Variants in UHRF2 observed in about 807,000 individuals in gnomAD.
The protein encoded by UHRF2 is E3 ubiquitin-protein ligase UHRF2.
UHRF2 carries 23 observed loss-of-function variants against 96.8 expected under a neutral mutation model. The observed-to-expected ratio is 0.24, with a 90% CI of 0.17 to 0.34. The LOEUF is 0.34. Among genes scored for constraint, UHRF2 ranks in the 10% least tolerant of loss-of-function variants. The probability of loss-of-function intolerance (pLI) is 1.00; values close to 1 mark genes in which losing one functional copy is unlikely to be tolerated. For synonymous variants in UHRF2, 385 were observed against 332.6 expected (o/e 1.16, Z -1.72); for missense variants, 685 against 981.5 (o/e 0.70, Z 4.04).
intron 8 of UHRF2, among the ~76,000 whole-genome samples, chr9:6,482,968 G>T (rs1824012344): frequency 1.3e-5 from 2 of 151,916 alleles, no homozygotes; most frequent in Admixed American, 1.3e-4. Flanking sequence ...CTTATCCCTT[G>T]GTATCTGTCG....
chr9:6,426,883 G>C (rs1481088430), intron 2 of UHRF2, among the ~76,000 whole-genome samples: 2 of 152,024 alleles, frequency 1.3e-5, no homozygotes, highest in Non-Finnish European at 2.9e-5. Context: ...TGAGTAGTTG[G>C]GATTACAGGC....
At chr9:6,478,815 A>G (rs1405226876) in intron 6 of UHRF2, among the ~76,000 whole-genome samples, 2 of 152,184 alleles carry the variant, frequency 1.3e-5, no homozygotes, top group Non-Finnish European at 2.9e-5. Context: ...AGGTGAGAGA[A>G]AGGGGGAAAG....
chr9:6,492,174 T>A, intron 9 of UHRF2: 1 of 246,190 alleles, frequency 4.1e-6, no homozygotes, highest in Non-Finnish European at 8.1e-6. Context: ...TTTAGCCATG[T>A]TTCCTTGATT....
At chr9:6,441,378 C>G (rs183507712) in intron 3 of UHRF2, among the ~76,000 whole-genome samples, 29 of 147,750 alleles carry the variant, frequency 2.0e-4, no homozygotes, top group Non-Finnish European at 3.7e-4. Flanking sequence ...TGTCTCTACC[C>G]CTCCCAAAAA....
chr9:6,494,674 G>C (rs886494163), intron 10 of UHRF2: 1 of 152,122 alleles, frequency 6.6e-6, no homozygotes, highest in African/African-American at 2.4e-5. Context: ...TGAAATTTTT[G>C]TGAACATTTC....
intron 9 of UHRF2, among the ~76,000 whole-genome samples, chr9:6,491,762 A>G (rs1262299311): frequency 6.6e-6 from 1 of 152,216 alleles, no homozygotes; most frequent in Non-Finnish European, 1.5e-5. Context: ...CCTTGTGCAG[A>G]TAGAGCTGCT....
At chr9:6,496,486 A>G (rs112089337) in intron 10 of UHRF2, 1 of 152,238 alleles carries the variant, frequency 6.6e-6, no homozygotes, top group African/African-American at 2.4e-5. Flanking sequence ...AATAAGTTCC[A>G]GCTAAGTCAG....
At position 6,420,908 on chromosome 9, in the gene UHRF2, C is replaced by T. The variant is rs778990323; in HGVS notation, c.154-4C>T. 1 of 1,606,074 alleles carries T rather than the reference C, an allele frequency of 6.2e-7. No individual in the cohort carries two copies. The highest frequency in any genetic ancestry group is 1.3e-5 in the African/African-American group (1 of 74,710). On this transcript the variant is annotated splice_region_variant and splice_polypyrimidine_tract_variant and intron_variant, in intron 1 of 15. Coordinates refer to ENST00000276893, the MANE Select transcript of UHRF2 (RefSeq NM_152896.3). ...CATTTCACTATTCTTTCTTTATTTT[C>T]TAGTTGGAAAATGGATATACCTTAT... is the stretch of plus-strand genomic sequence containing the variant.
intron 2 of UHRF2, among the ~76,000 whole-genome samples, chr9:6,426,496 T>A (rs1326762209): frequency 6.6e-6 from 1 of 152,244 alleles, no homozygotes; most frequent in Non-Finnish European, 1.5e-5. Flanking sequence ...TAGTTGAAGC[T>A]ACTGTAGATT....
intron 4 of UHRF2, chr9:6,468,882 T>C (rs1477535756): frequency 2.8e-6 from 1 of 353,132 alleles, no homozygotes; most frequent in Non-Finnish European, 5.6e-6. Flanking sequence ...GCATAGATGC[T>C]GATTAAATGT....
chr9:6,444,130 G>C (rs866716631), intron 3 of UHRF2, among the ~76,000 whole-genome samples: 2 of 152,214 alleles, frequency 1.3e-5, no homozygotes, highest in Admixed American at 6.5e-5. Context: ...TGATGGGAGA[G>C]AGAGTAGATT....
chr9:6,446,524 G>A (rs1343395420), intron 3 of UHRF2, among the ~76,000 whole-genome samples: 5 of 151,848 alleles, frequency 3.3e-5, no homozygotes, highest in South Asian at 2.1e-4. Context: ...GAAGTGATTC[G>A]TCTGCCTCAG....
At chr9:6,416,428 A>G (rs1269611223) in intron 1 of UHRF2, among the ~76,000 whole-genome samples, 1 of 149,582 alleles carries the variant, frequency 6.7e-6, no homozygotes, top group Non-Finnish European at 1.5e-5. Context: ...AGTTTTGGTT[A>G]GAGTAGGATA....
intron 8 of UHRF2, among the ~76,000 whole-genome samples, chr9:6,482,925 C>G (rs1824009307): frequency 6.6e-6 from 1 of 152,098 alleles, no homozygotes; most frequent in Non-Finnish European, 1.5e-5. Flanking sequence ...GTACTTAGAC[C>G]TTTAATACAA....
At chr9:6,437,186 G>C (rs975721322) in intron 3 of UHRF2, among the ~76,000 whole-genome samples, 1 of 152,192 alleles carries the variant, frequency 6.6e-6, no homozygotes, top group Admixed American at 6.5e-5. Flanking sequence ...AGGATGCATT[G>C]AAGAAAGCTG....
At chr9:6,428,843 C>G (rs952959991) in intron 2 of UHRF2, among the ~76,000 whole-genome samples, 12 of 152,178 alleles carry the variant, frequency 7.9e-5, no homozygotes, top group African/African-American at 2.9e-4. Flanking sequence ...CCATCACACC[C>G]AGCCCTGCAT....
chr9:6,466,326 T>A (rs1822854626), intron 4 of UHRF2, among the ~76,000 whole-genome samples: 2 of 152,104 alleles, frequency 1.3e-5, no homozygotes, highest in Admixed American at 1.3e-4. Flanking sequence ...TCACCTGAAG[T>A]CAGGAGTTCT....
At chr9:6,462,915 T>TAAAA (rs997536526) in intron 4 of UHRF2, among the ~76,000 whole-genome samples, 1 of 149,064 alleles carries the variant, frequency 6.7e-6, no homozygotes, top group Non-Finnish European at 1.5e-5. Flanking sequence ...AGACTCTGTC[T>TAAAA]AAAAAAAAAG....
intron 6 of UHRF2, among the ~76,000 whole-genome samples, chr9:6,480,633 G>C (rs1823869994): frequency 6.6e-6 from 1 of 152,234 alleles, no homozygotes; most frequent in African/African-American, 2.4e-5. Context: ...GATAATACTT[G>C]CTTTAAATCA....
Sources: allele counts gnomAD v4.1 joint callset (sites outside exome capture counted in the v4.1 genomes callset), GRCh38; gene constraint gnomAD v4.1.1; transcripts MANE v1.5; gene names NCBI Gene and HGNC (gene_info 2026-07-23, HGNC 2026-07-21).